Variants in APBB1IP observed in about 807,000 individuals in gnomAD.
APBB1IP encodes amyloid beta A4 precursor protein-binding family B member 1-interacting protein.
In APBB1IP, 27 loss-of-function variants were observed where a neutral mutation model predicts 64.9. That is an observed-to-expected ratio of 0.42 (90% CI 0.31 to 0.57). The LOEUF (loss-of-function observed/expected upper bound fraction) is 0.57. Among genes scored for constraint, APBB1IP ranks in the 20% least tolerant of loss-of-function variants. The pLI is 0.20. For missense variants in APBB1IP, 812 were observed against 845.5 expected, an observed-to-expected ratio of 0.96 and a Z score of 0.49; for synonymous variants, 392 against 331.0, an observed-to-expected ratio of 1.18 and a Z score of -2.00.
intron 12 of APBB1IP, 143 bp downstream of exon 12, chr10:26,560,346 T>G (rs1564378973): frequency 1.4e-6 from 1 of 719,744 alleles, no homozygotes; most frequent in Non-Finnish European, 2.4e-6. Context: ...GCCCAGTGGG[T>G]TTTCTAAATG....
At chr10:26,540,187 C>T (rs1306139067) in intron 10 of APBB1IP, among the ~76,000 whole-genome samples, 2 of 152,236 alleles carry the variant, frequency 1.3e-5, no homozygotes, top group East Asian at 1.9e-4. Context: ...TTAAATAAAT[C>T]GTTACACCTG....
chr10:26,525,174 C>A lies in APBB1IP; in HGVS notation c.814-8265C>A, dbSNP rs116758155. ...ACACATCCCTGTAGTCCCAGCCACTCAAGATGCTAAGGTGGGAGGATCACT... is the reference window on the plus strand; with the variant it reads ...ACACATCCCTGTAGTCCCAGCCACTAAAGATGCTAAGGTGGGAGGATCACT... On this transcript the variant is annotated intron_variant, in intron 8 of 14. Coordinates refer to ENST00000376236, the MANE Select transcript of APBB1IP (RefSeq NM_019043.4). Among the ~76,000 whole-genome samples, 913 of 151,672 alleles carry A rather than the reference C, an allele frequency of 6.0e-3. 7 individuals carry two copies. The highest frequency in any genetic ancestry group is 0.021 in the African/African-American group (866 of 41,374).
At chr10:26,508,488 T>A (rs931046118) in intron 6 of APBB1IP, among the ~76,000 whole-genome samples, 1 of 152,022 alleles carries the variant, frequency 6.6e-6, no homozygotes, top group Non-Finnish European at 1.5e-5. Context: ...GAAGAAATTA[T>A]AAAAAATTAT....
intron 2 of APBB1IP, among the ~76,000 whole-genome samples, chr10:26,471,935 G>A (rs1835721666): frequency 6.6e-6 from 1 of 152,038 alleles, no homozygotes; most frequent in Non-Finnish European, 1.5e-5. Flanking sequence ...CGCCCTCCTC[G>A]GCCTCCCAAA....
At chr10:26,474,787 G>A (rs1835757059) in intron 2 of APBB1IP, among the ~76,000 whole-genome samples, 1 of 152,188 alleles carries the variant, frequency 6.6e-6, no homozygotes, top group Non-Finnish European at 1.5e-5. Context: ...CTACATCATT[G>A]CTCAAAATCT....
chr10:26,545,652 C>T (rs1274938520), intron 11 of APBB1IP, among the ~76,000 whole-genome samples: 1 of 151,834 alleles, frequency 6.6e-6, no homozygotes, highest in East Asian at 1.9e-4. Flanking sequence ...CCCAGCTACT[C>T]GAGAGGCTGA....
intron 6 of APBB1IP, among the ~76,000 whole-genome samples, chr10:26,509,018 G>A (rs1326377361): frequency 6.6e-6 from 1 of 152,098 alleles, no homozygotes; most frequent in Non-Finnish European, 1.5e-5. Context: ...CTTAACATTG[G>A]TAGTGTGTCT....
intron 2 of APBB1IP, among the ~76,000 whole-genome samples, chr10:26,468,356 T>C (rs972170534): frequency 2.0e-5 from 3 of 152,224 alleles, no homozygotes; most frequent in African/African-American, 7.2e-5. Context: ...TATTGATTCA[T>C]TTAACAAATA....
chr10:26,442,157 A>G (rs1264010194), intron 2 of APBB1IP, among the ~76,000 whole-genome samples: 6 of 152,196 alleles, frequency 3.9e-5, no homozygotes, highest in Admixed American at 1.3e-4. Flanking sequence ...GGGACTACAT[A>G]TCAGGGTCCC....
At chr10:26,480,001 T>C (rs1276417977) in intron 2 of APBB1IP, among the ~76,000 whole-genome samples, 1 of 152,188 alleles carries the variant, frequency 6.6e-6, no homozygotes, top group East Asian at 1.9e-4. Flanking sequence ...AGGCGACAGC[T>C]GGACTGTTTG....
At chr10:26,455,650 C>T (rs920286579) in intron 2 of APBB1IP, among the ~76,000 whole-genome samples, 1 of 152,090 alleles carries the variant, frequency 6.6e-6, no homozygotes, top group Non-Finnish European at 1.5e-5. Context: ...GAATTTTACA[C>T]TATGTCTGCT....
intron 9 of APBB1IP, among the ~76,000 whole-genome samples, chr10:26,533,765 T>G (rs1339908914): frequency 6.6e-6 from 1 of 152,212 alleles, no homozygotes; most frequent in Non-Finnish European, 1.5e-5. Context: ...AATTCTTGAC[T>G]TTTAAAAACT....
Position 26,541,600 on chromosome 10 carries a change from T to C in APBB1IP, c.1063T>C (p.Cys355Arg). The change falls in exon 11 of 15, where the codon TGT becomes CGT. Residue 355 changes from cysteine (C) to arginine (R), a missense_variant. This residue lies in a region of APBB1IP where 394 missense variants were observed against 413.1 expected (regional missense o/e 0.95). Coordinates refer to ENST00000376236, the MANE Select transcript of APBB1IP (RefSeq NM_019043.4). Reference sequence around the variant, plus strand: ...CTTTCAGACATCTCGAGATCTGGCGTGTTTTATACAGTTTGAAAATGTCAA... The same window carrying C: ...CTTTCAGACATCTCGAGATCTGGCGCGTTTTATACAGTTTGAAAATGTCAA... ...GKTKTSRDLA[C>R]FIQFENVNIY... 1 of 1,610,436 alleles carries C rather than the reference T, an allele frequency of 6.2e-7. No homozygotes were observed.
intron 8 of APBB1IP, among the ~76,000 whole-genome samples, chr10:26,520,861 T>C (rs921125869): frequency 1.3e-5 from 2 of 152,224 alleles, no homozygotes; most frequent in African/African-American, 4.8e-5. Flanking sequence ...TGCATAAAAG[T>C]AAAGTGGTTT....
chr10:26,454,258 T>A, intron 2 of APBB1IP, among the ~76,000 whole-genome samples: 1 of 151,982 alleles, frequency 6.6e-6, no homozygotes, highest in Non-Finnish European at 1.5e-5. Context: ...CTGGCCAACA[T>A]GACAAAAGCC....
intron 2 of APBB1IP, among the ~76,000 whole-genome samples, chr10:26,454,295 G>T (rs1364001040): frequency 6.6e-6 from 1 of 152,082 alleles, no homozygotes; most frequent in Admixed American, 6.6e-5. Flanking sequence ...ATGAAAATTA[G>T]CCGGGCGTGG....
intron 14 of APBB1IP, among the ~76,000 whole-genome samples, chr10:26,566,706 A>T (rs907514976): frequency 1.3e-5 from 2 of 152,018 alleles, no homozygotes; most frequent in Non-Finnish European, 2.9e-5. Context: ...AGAGACTCAC[A>T]TATCTATGGC....
At chr10:26,542,064 A>G (rs1024316856) in intron 11 of APBB1IP, among the ~76,000 whole-genome samples, 2 of 152,250 alleles carry the variant, frequency 1.3e-5, no homozygotes, top group Non-Finnish European at 2.9e-5. Context: ...GACAACTTAT[A>G]GAAAATAGCC....
chr10:26,522,497 AT>A (rs1418406743), intron 8 of APBB1IP, among the ~76,000 whole-genome samples: 1 of 151,646 alleles, frequency 6.6e-6, no homozygotes, highest in Non-Finnish European at 1.5e-5. Flanking sequence ...TTCTCATTTC[AT>A]TTTCTCCACA....
Sources: gnomAD v4.1 joint callset for allele counts (sites outside exome capture counted in the v4.1 genomes callset) on GRCh38, gnomAD v4.1.1 for gene constraint, gnomAD v4.1.1 regional missense constraint, MANE v1.5 for transcripts, NCBI Gene and HGNC (gene_info 2026-07-23, HGNC 2026-07-21) for gene names.